The following GRIK1 variants were observed in gnomAD, a reference collection of about 807,000 sequenced individuals.
GRIK1 encodes glutamate receptor ionotropic, kainate 1.
Under a neutral mutation model 105.7 loss-of-function variants are expected in GRIK1, and 69 were observed. That is an observed-to-expected ratio of 0.65 (90% CI 0.54 to 0.80). The LOEUF is 0.80. Among genes scored for constraint, GRIK1 ranks in the 30% least tolerant of loss-of-function variants. GRIK1 has a pLI of 0.00. For synonymous variants in GRIK1, 438 were observed against 431.3 expected (o/e 1.02, Z -0.19); for missense variants, 1,109 against 1,167.3 (o/e 0.95, Z 0.73).
At chr21:29,687,015 G>C (rs1384743759) in intron 3 of GRIK1, among the ~76,000 whole-genome samples, 2 of 152,202 alleles carry the variant, frequency 1.3e-5, no homozygotes, top group African/African-American at 2.4e-5. Context: ...CCAGGAAAGA[G>C]AGAGAAGAGA....
chr21:29,803,349 A>G (rs905854133), intron 1 of GRIK1, among the ~76,000 whole-genome samples: 1 of 152,212 alleles, frequency 6.6e-6, no homozygotes, highest in African/African-American at 2.4e-5. Context: ...TAACGCATAC[A>G]TCTAAGTGCC....
chr21:29,734,881 T>C (rs1028398838), intron 1 of GRIK1, among the ~76,000 whole-genome samples: 3 of 152,220 alleles, frequency 2.0e-5, no homozygotes, highest in Non-Finnish European at 4.4e-5. Context: ...TCAGAGAACC[T>C]GCCTCAGTGC....
At chr21:29,544,856 T>C (rs921287882) in intron 16 of GRIK1, among the ~76,000 whole-genome samples, 4 of 152,234 alleles carry the variant, frequency 2.6e-5, no homozygotes, top group Non-Finnish European at 4.4e-5. Flanking sequence ...TGTGAGAATC[T>C]TGACCAAAGC....
intron 1 of GRIK1, among the ~76,000 whole-genome samples, chr21:29,876,136 G>GTGTGTGTGTGTT (rs2069184501): frequency 6.6e-6 from 1 of 151,974 alleles, no homozygotes; most frequent in Non-Finnish European, 1.5e-5. Flanking sequence ...GTGTGTGTGT[G>GTGTGTGTGTGTT]TGTGTGTCTT....
intron 1 of GRIK1, among the ~76,000 whole-genome samples, chr21:29,788,022 T>C (rs1321156010): frequency 6.6e-6 from 1 of 152,246 alleles, no homozygotes; most frequent in Non-Finnish European, 1.5e-5. Flanking sequence ...CATTCATTTG[T>C]TCATTTATGT....
At chr21:29,856,782 G>T (rs1304089875) in intron 1 of GRIK1, among the ~76,000 whole-genome samples, 1 of 152,148 alleles carries the variant, frequency 6.6e-6, no homozygotes, top group Non-Finnish European at 1.5e-5. Context: ...CCTGAGAGAG[G>T]CAGGTAGCTT....
intron 16 of GRIK1, among the ~76,000 whole-genome samples, chr21:29,550,153 A>G (rs1442411908): frequency 6.7e-6 from 1 of 148,830 alleles, no homozygotes; most frequent in Non-Finnish European, 1.5e-5. Flanking sequence ...GAAAGTAAGT[A>G]CTTGAGATTT....
chr21:29,912,293 T>C (rs2070844938), intron 1 of GRIK1, among the ~76,000 whole-genome samples: 1 of 152,046 alleles, frequency 6.6e-6, no homozygotes, highest in Non-Finnish European at 1.5e-5. Context: ...AACCCCTCCC[T>C]GACCAGAGAC....
chr21:29,880,500 C>T (rs1429772885), intron 1 of GRIK1, among the ~76,000 whole-genome samples: 2 of 152,102 alleles, frequency 1.3e-5, no homozygotes, highest in African/African-American at 2.4e-5. Flanking sequence ...TTGCTTAGCT[C>T]TACATTCTCA....
intron 4 of GRIK1, among the ~76,000 whole-genome samples, chr21:29,660,018 G>T (rs2062932531): frequency 6.6e-6 from 1 of 152,010 alleles, no homozygotes; most frequent in South Asian, 2.1e-4. Flanking sequence ...AACCCTCACT[G>T]CCAGCTGCCT....
intron 1 of GRIK1, among the ~76,000 whole-genome samples, chr21:29,808,588 T>C (rs2066925072): frequency 6.6e-6 from 1 of 152,184 alleles, no homozygotes; most frequent in Non-Finnish European, 1.5e-5. Context: ...AAGAATTACA[T>C]AAAGCAAGGC....
At chr21:29,914,867 C>G (rs2070939410) in intron 1 of GRIK1, among the ~76,000 whole-genome samples, 1 of 152,020 alleles carries the variant, frequency 6.6e-6, no homozygotes, top group African/African-American at 2.4e-5. Context: ...TCAGGGTGTT[C>G]TTTGTTACGG....
chr21:29,599,850 C>T (rs2061485120), intron 7 of GRIK1, among the ~76,000 whole-genome samples: 1 of 152,166 alleles, frequency 6.6e-6, no homozygotes, highest in African/African-American at 2.4e-5. Flanking sequence ...CCTGTAATCC[C>T]AGCACTTCGG....
chr21:29,809,878 C>T (rs994018939), intron 1 of GRIK1, among the ~76,000 whole-genome samples: 11 of 152,042 alleles, frequency 7.2e-5, no homozygotes, highest in Admixed American at 2.0e-4. Flanking sequence ...TAGGGAGGCC[C>T]GAGGAGATGA....
intron 12 of GRIK1, among the ~76,000 whole-genome samples, chr21:29,584,025 T>C (rs957929701): frequency 6.6e-6 from 1 of 152,214 alleles, no homozygotes; most frequent in African/African-American, 2.4e-5. Context: ...GCTTAAAACC[T>C]GTGACAAAAC....
At chr21:29,782,267 T>C (rs2066141274) in intron 1 of GRIK1, among the ~76,000 whole-genome samples, 1 of 151,590 alleles carries the variant, frequency 6.6e-6, no homozygotes, top group Non-Finnish European at 1.5e-5. Context: ...TTTGTATTTT[T>C]AGTAGAGACA....
intron 4 of GRIK1, among the ~76,000 whole-genome samples, chr21:29,662,392 C>G (rs2062982373): frequency 6.6e-6 from 1 of 152,150 alleles, no homozygotes; most frequent in Admixed American, 6.5e-5. Flanking sequence ...AAAATAACCT[C>G]TCTGCAACAT....
intron 4 of GRIK1, chr21:29,657,824 C>T (rs1346882149): frequency 6.6e-6 from 1 of 152,214 alleles, no homozygotes; most frequent in East Asian, 1.9e-4. Context: ...AAAACGATTG[C>T]ATTCCCATTT....
At chr21:29,824,191 A>G (rs1459883756) in intron 1 of GRIK1, among the ~76,000 whole-genome samples, 1 of 152,028 alleles carries the variant, frequency 6.6e-6, no homozygotes, top group Non-Finnish European at 1.5e-5. Context: ...TATATCCTCC[A>G]TACACGATAA....
Sources: allele counts gnomAD v4.1 joint callset (sites outside exome capture counted in the v4.1 genomes callset), GRCh38; gene constraint gnomAD v4.1.1; transcripts MANE v1.5; gene names NCBI Gene and HGNC (gene_info 2026-07-23, HGNC 2026-07-21).